The following RARRES1 variants were observed in gnomAD, a reference collection of about 807,000 sequenced individuals.
RARRES1 encodes the protein retinoic acid receptor responder 1.
RARRES1 carries 34 observed loss-of-function variants against 30.6 expected under a neutral mutation model. The ratio of observed to expected loss-of-function variants is 1.11; its 90% CI spans 0.84 to 1.48. The LOEUF is 1.48. Among genes scored for constraint, RARRES1 ranks in the 40% most tolerant of loss-of-function variants. The pLI is 0.00. For missense variants in RARRES1, 373 were observed against 386.5 expected, an observed-to-expected ratio of 0.97 and a Z score of 0.29; for synonymous variants, 153 against 155.5, an observed-to-expected ratio of 0.98 and a Z score of 0.12.
intron 4 of RARRES1, among the ~76,000 whole-genome samples, chr3:158,699,277 A>G (rs1457800720): frequency 2.0e-5 from 3 of 152,122 alleles, no homozygotes; most frequent in South Asian, 2.1e-4. Flanking sequence ...GCAGGAGCCT[A>G]TACTTCTTCC....
intron 1 of RARRES1, among the ~76,000 whole-genome samples, chr3:158,718,317 C>A (rs564992013): frequency 6.6e-6 from 1 of 152,266 alleles, no homozygotes; most frequent in Admixed American, 6.5e-5. Flanking sequence ...TTAAAAGATG[C>A]TTGTGTGTAC....
chr3:158,728,262 A>AG (rs1459419222), intron 1 of RARRES1, among the ~76,000 whole-genome samples: 1 of 151,536 alleles, frequency 6.6e-6, no homozygotes, highest in Non-Finnish European at 1.5e-5. Flanking sequence ...AACCCTAGTG[A>AG]GCCCTTAGTT....
chr3:158,730,679 T>G (rs1372882839), intron 1 of RARRES1, among the ~76,000 whole-genome samples: 1 of 152,142 alleles, frequency 6.6e-6, no homozygotes, highest in Non-Finnish European at 1.5e-5. Context: ...CTACAACTCC[T>G]GAGCTCAAGC....
intron 3 of RARRES1, among the ~76,000 whole-genome samples, chr3:158,708,394 C>T (rs1179858522): frequency 6.6e-6 from 1 of 152,178 alleles, no homozygotes; most frequent in Non-Finnish European, 1.5e-5. Context: ...GTGCTGGCAA[C>T]AGTGCTATAG....
At position 158,698,701 on chromosome 3, in the gene RARRES1, A is replaced by T. The variant is rs141169208; in HGVS notation, c.673-731T>A. Among the ~76,000 whole-genome samples the T allele has an allele frequency of 3.7e-3, 551 of 148,482 alleles. 2 individuals carry two copies. The highest frequency in any genetic ancestry group is 0.013 in the African/African-American group (535 of 40,066). ...CCTTTTTTTTTTTGCAAGAGTGCTT[A>T]TCTGTTCACTAGTAAAAATGGAAGA... On this transcript the variant is annotated intron_variant, in intron 4 of 5. Coordinates refer to ENST00000237696, the MANE Select transcript of RARRES1 (RefSeq NM_206963.2).
chr3:158,717,005 C>G (rs923594080), intron 1 of RARRES1, among the ~76,000 whole-genome samples: 1 of 152,222 alleles, frequency 6.6e-6, no homozygotes, highest in Non-Finnish European at 1.5e-5. Flanking sequence ...TCCCTTCTCC[C>G]TTCCTCTGAG....
intron 3 of RARRES1, among the ~76,000 whole-genome samples, chr3:158,708,233 G>A (rs1726990169): frequency 6.6e-6 from 1 of 152,072 alleles, no homozygotes; most frequent in African/African-American, 2.4e-5. Context: ...TGTCTTCATT[G>A]ACTGAAAACT....
chr3:158,726,157 A>G (rs1394086028), intron 1 of RARRES1, among the ~76,000 whole-genome samples: 2 of 152,084 alleles, frequency 1.3e-5, no homozygotes, highest in East Asian at 1.9e-4. Context: ...TTCTCCCTCT[A>G]TGTTCATTGC....
chr3:158,715,970 C>T (rs966568370), intron 1 of RARRES1, among the ~76,000 whole-genome samples: 34 of 152,236 alleles, frequency 2.2e-4, no homozygotes, highest in African/African-American at 4.6e-4. Flanking sequence ...GGCGACACTT[C>T]AGCTTGCCAG....
intron 1 of RARRES1, among the ~76,000 whole-genome samples, chr3:158,729,050 C>G (rs1727786513): frequency 6.6e-6 from 1 of 152,080 alleles, no homozygotes; most frequent in African/African-American, 2.4e-5. Flanking sequence ...GCATTCAATA[C>G]ATAGCTAATG....
intron 3 of RARRES1, among the ~76,000 whole-genome samples, chr3:158,708,022 G>T (rs1041019041): frequency 2.0e-5 from 3 of 152,158 alleles, no homozygotes; most frequent in Admixed American, 1.3e-4. Context: ...TTTTACAGAT[G>T]TTATTGTAGA....
chr3:158,719,213 G>T (rs1727420031), intron 1 of RARRES1, among the ~76,000 whole-genome samples: 1 of 151,754 alleles, frequency 6.6e-6, no homozygotes, highest in African/African-American at 2.4e-5. Flanking sequence ...GTGTACTACA[G>T]CCTGGAACTA....
chr3:158,716,337 A>G (rs1482387432), intron 1 of RARRES1, among the ~76,000 whole-genome samples: 1 of 152,218 alleles, frequency 6.6e-6, no homozygotes, highest in African/African-American at 2.4e-5. Flanking sequence ...CCTGAGGAAC[A>G]TCAGCCTTCA....
chr3:158,732,189 G>T lies in RARRES1; in HGVS notation c.227C>A (p.Ser76Ter), dbSNP rs938022263. 8 of 1,422,214 alleles carry T rather than the reference G, an allele frequency of 5.6e-6. No individual in the cohort carries two copies. The highest frequency in any genetic ancestry group is 3.0e-5 in the South Asian group (2 of 67,784). 88.1% of individuals were successfully genotyped at this position (1,422,214 alleles called of 1,614,324 possible). ...ALHFFNFRSGSPSALRVLAEV... is the reference protein window; with the variant it reads ...ALHFFNFRSG ...GGCCAGCACTCGTAGCGCGCTGGGCGAGCCGGACCGGAAGTTGAAGAAGTG... is the reference window on the plus strand; with the variant it reads ...GGCCAGCACTCGTAGCGCGCTGGGCTAGCCGGACCGGAAGTTGAAGAAGTG... Residue 76 changes from serine (S) to a stop codon, truncating the protein, a stop_gained, in exon 1 of 6, where the codon TCG becomes TAG. Coordinates refer to ENST00000237696, the MANE Select transcript of RARRES1 (RefSeq NM_206963.2). LOFTEE classifies it high-confidence loss of function.
At chr3:158,697,856 A>C (rs1351480482) in intron 5 of RARRES1, 29 bp from the exon 6 acceptor site, 10 of 1,594,586 alleles carry the variant, frequency 6.3e-6, no homozygotes, top group Non-Finnish European at 8.6e-6. Flanking sequence ...AAATATTATA[A>C]TCTGCAAAAA....
At chr3:158,713,539 G>A (rs1273319134) in intron 2 of RARRES1, among the ~76,000 whole-genome samples, 3 of 152,068 alleles carry the variant, frequency 2.0e-5, no homozygotes, top group African/African-American at 7.2e-5. Flanking sequence ...CTCTCCCAGG[G>A]GTCCCAAGGA....
chr3:158,726,519 T>C (rs1447797727), intron 1 of RARRES1, among the ~76,000 whole-genome samples: 2 of 152,348 alleles, frequency 1.3e-5, no homozygotes, highest in East Asian at 1.9e-4. Context: ...CAAACTTGCA[T>C]ATATCAGATG....
intron 3 of RARRES1, among the ~76,000 whole-genome samples, chr3:158,708,224 G>A (rs1726989772): frequency 1.3e-5 from 2 of 152,076 alleles, no homozygotes. Context: ...CATCATTCCT[G>A]TCTTCATTGA....
In RARRES1 at chr3:158,732,376, C is replaced by G; in HGVS notation, c.40G>C (p.Gly14Arg). 4 of 1,493,090 alleles carry G rather than the reference C, an allele frequency of 2.7e-6. No individual in the cohort carries two copies. Among genetic ancestry groups the G allele is most frequent in the Middle Eastern group, 1.9e-4 (1 of 5,182 alleles). 92.5% of individuals were successfully genotyped at this position (1,493,090 alleles called of 1,614,324 possible). The change falls in exon 1 of 6, where the codon GGG becomes CGG. Residue 14 changes from glycine (G) to arginine (R), a missense_variant. Gly to Arg is a moderately radical substitution (Grantham distance 125). Coordinates refer to ENST00000237696, the MANE Select transcript of RARRES1 (RefSeq NM_206963.2). The part of the protein sequence containing the change: ...RRQRLPAPWS[G>R]PRGPRPTAPL... ...GCGGTGGGGCGCGGGCCCCTGGGCC[C>G]GGACCAGGGAGCAGGCAGCCGTTGC...
Sources: allele counts gnomAD v4.1 joint callset (sites outside exome capture counted in the v4.1 genomes callset), GRCh38; gene constraint gnomAD v4.1.1; transcripts MANE v1.5; gene names NCBI Gene and HGNC (gene_info 2026-07-23, HGNC 2026-07-21).